GLRA3: variants seen among roughly 807,000 people sequenced by gnomAD.
The protein encoded by GLRA3 is glycine receptor subunit alpha-3.
Under a neutral mutation model 60.4 loss-of-function variants are expected in GLRA3, and 44 were observed. That is an observed-to-expected ratio of 0.73 (90% CI 0.57 to 0.94). The LOEUF (loss-of-function observed/expected upper bound fraction) is 0.94, where lower values mean the gene tolerates loss of function less well. GLRA3 is among the 40% of genes least tolerant of loss of function. The probability of loss-of-function intolerance (pLI) is 0.00; values close to 1 mark genes in which losing one functional copy is unlikely to be tolerated. For synonymous variants in GLRA3, 223 were observed against 192.9 expected (o/e 1.16, Z -1.29); for missense variants, 508 against 564.6 (o/e 0.90, Z 1.02).
intron 1 of GLRA3, among the ~76,000 whole-genome samples, chr4:174,822,259 T>G (rs1200340585): frequency 1.3e-5 from 2 of 152,186 alleles, no homozygotes; most frequent in African/African-American, 2.4e-5. Context: ...TAGAATGCCA[T>G]GGGCTCTCTG....
chr4:174,665,231 T>C (rs1365450292), intron 7 of GLRA3, among the ~76,000 whole-genome samples: 1 of 107,126 alleles, frequency 9.3e-6, no homozygotes, highest in Non-Finnish European at 1.8e-5. Context: ...AGCTGCTTTG[T>C]ATTTACTTTT....
At chr4:174,798,205 C>G (rs980051061) in intron 1 of GLRA3, among the ~76,000 whole-genome samples, 1 of 152,096 alleles carries the variant, frequency 6.6e-6, no homozygotes, top group African/African-American at 2.4e-5. Context: ...GGGAACAAAT[C>G]AGTGCCCAGG....
intron 7 of GLRA3, among the ~76,000 whole-genome samples, chr4:174,672,513 C>T (rs971022267): frequency 3.3e-5 from 5 of 152,076 alleles, no homozygotes; most frequent in Admixed American, 6.6e-5. Flanking sequence ...ATTCTGAGCA[C>T]AAGCCTTGCA....
intron 1 of GLRA3, among the ~76,000 whole-genome samples, chr4:174,828,214 T>C (rs1004857611): frequency 2.0e-5 from 3 of 152,216 alleles, no homozygotes; most frequent in African/African-American, 4.8e-5. Flanking sequence ...TGCCTTCATG[T>C]ATTACCTGAG....
chr4:174,658,291 G>A (rs12511536), intron 8 of GLRA3, among the ~76,000 whole-genome samples: 45,807 of 151,944 alleles, frequency 0.3, 8,024 homozygotes, highest in Admixed American at 0.47. Flanking sequence ...AAGTAAATGC[G>A]TGGATCTGCG....
chr4:174,685,652 G>C (rs1466504506), intron 5 of GLRA3, among the ~76,000 whole-genome samples: 2 of 152,104 alleles, frequency 1.3e-5, no homozygotes, highest in Admixed American at 1.3e-4. Flanking sequence ...AATTAATAAT[G>C]ATTTGATTGG....
intron 7 of GLRA3, among the ~76,000 whole-genome samples, chr4:174,664,854 A>G (rs1356889698): frequency 6.6e-6 from 1 of 152,188 alleles, no homozygotes; most frequent in African/African-American, 2.4e-5. Flanking sequence ...TTTTTATTCA[A>G]CATTTACTGA....
intron 2 of GLRA3, among the ~76,000 whole-genome samples, chr4:174,785,769 C>A (rs1739101307): frequency 6.6e-6 from 1 of 151,730 alleles, no homozygotes; most frequent in African/African-American, 2.4e-5. Context: ...TCACAATTCC[C>A]ATTCTTCTTC....
intron 2 of GLRA3, among the ~76,000 whole-genome samples, chr4:174,786,521 G>A (rs1002826497): frequency 2.0e-4 from 30 of 152,204 alleles, no homozygotes; most frequent in Non-Finnish European, 3.8e-4. Context: ...CCTGATAGCC[G>A]TAAGGAAGAA....
intron 7 of GLRA3, among the ~76,000 whole-genome samples, chr4:174,659,971 C>CAA (rs11395241): frequency 0.11 from 14,762 of 139,744 alleles, 1,047 homozygotes; most frequent in African/African-American, 0.19. Context: ...AATTCTGTCT[C>CAA]AAAAAAAAAA....
chr4:174,766,829 A>T (rs1395032871), intron 3 of GLRA3, 134 bp downstream of exon 3: 3 of 532,550 alleles, frequency 5.6e-6, no homozygotes, highest in Non-Finnish European at 1.0e-5. Flanking sequence ...GGTGACTGTA[A>T]TTTAATTATA....
At position 174,642,211 on chromosome 4, in the gene GLRA3, T is replaced by G. The variant is rs1047453559; in HGVS notation, c.*1575A>C. 3.4e-6 allele frequency: 3 copies of G among 875,056 alleles called. No homozygotes were observed. Among genetic ancestry groups the G allele is most frequent in the Non-Finnish European group, 4.1e-6 (3 of 729,358 alleles). The allele number at this position is 875,056 out of a possible 1,614,324, so 54.2% of individuals were successfully genotyped here. A position where few individuals can be genotyped will look rare whatever the true frequency, so the allele number is the denominator to read the frequency against. Reference sequence around the variant, plus strand: ...TGTATAAGCTGATGTACAATAACATTGTAAAGGTTTTAGTTTTAAATGGTA... The same window carrying G: ...TGTATAAGCTGATGTACAATAACATGGTAAAGGTTTTAGTTTTAAATGGTA... On this transcript the variant is annotated 3_prime_UTR_variant, in exon 10 of 10. Transcript: ENST00000274093.
chr4:174,718,426 T>G (rs1026300753), intron 4 of GLRA3, among the ~76,000 whole-genome samples: 6 of 152,200 alleles, frequency 3.9e-5, no homozygotes, highest in Non-Finnish European at 7.4e-5. Flanking sequence ...TAAGAAGTCT[T>G]GGGAAAGACT....
chr4:174,818,772 G>A (rs1028791621), intron 1 of GLRA3, among the ~76,000 whole-genome samples: 1 of 151,972 alleles, frequency 6.6e-6, no homozygotes, highest in African/African-American at 2.4e-5. Flanking sequence ...AGGACTCAGA[G>A]GTCCATTTAT....
intron 3 of GLRA3, among the ~76,000 whole-genome samples, chr4:174,751,104 T>G (rs1385837): frequency 1.4e-5 from 2 of 145,194 alleles, no homozygotes; most frequent in Non-Finnish European, 3.0e-5. Context: ...TCTATCTATC[T>G]ATCAATCATC....
At chr4:174,725,395 T>C (rs1295282739) in intron 4 of GLRA3, among the ~76,000 whole-genome samples, 4 of 152,242 alleles carry the variant, frequency 2.6e-5, no homozygotes, top group African/African-American at 9.6e-5. Flanking sequence ...TGAGGCTATT[T>C]TTCTCATTTG....
At chr4:174,780,061 G>A (rs1738801523) in intron 2 of GLRA3, among the ~76,000 whole-genome samples, 2 of 147,576 alleles carry the variant, frequency 1.4e-5, no homozygotes, top group African/African-American at 2.5e-5. Context: ...GGCAGCCAGA[G>A]AGAAAGGTCG....
chr4:174,673,635 T>C (rs1733992872), intron 7 of GLRA3, among the ~76,000 whole-genome samples: 2 of 152,126 alleles, frequency 1.3e-5, no homozygotes, highest in African/African-American at 4.8e-5. Context: ...ATATATCTTC[T>C]TTCCCTGTCT....
At chr4:174,797,123 T>C (rs746637970) in intron 1 of GLRA3, among the ~76,000 whole-genome samples, 4 of 152,180 alleles carry the variant, frequency 2.6e-5, no homozygotes, top group Non-Finnish European at 5.9e-5. Context: ...TTTTAAGTTT[T>C]TTAAAACTCA....
Sources: gnomAD v4.1 joint callset for allele counts (sites outside exome capture counted in the v4.1 genomes callset) on GRCh38, gnomAD v4.1.1 for gene constraint, MANE v1.5 for transcripts, NCBI Gene and HGNC (gene_info 2026-07-23, HGNC 2026-07-21) for gene names.